The following STK32B variants were observed in gnomAD, a reference collection of about 807,000 sequenced individuals.
The protein encoded by STK32B is serine/threonine-protein kinase 32B.
In STK32B, 43 loss-of-function variants were observed where a neutral mutation model predicts 52.6. The observed-to-expected ratio is 0.82, with a 90% CI of 0.64 to 1.05. STK32B has a LOEUF of 1.05. STK32B is among the 50% of genes least tolerant of loss of function. STK32B has a pLI of 0.00. For missense variants in STK32B, 621 were observed against 534.6 expected (o/e 1.16, Z -1.59); for synonymous variants, 238 against 204.3 (o/e 1.17, Z -1.41).
intron 3 of STK32B, among the ~76,000 whole-genome samples, chr4:5,296,086 C>G (rs758719744): frequency 1.3e-5 from 2 of 152,160 alleles, no homozygotes; most frequent in Admixed American, 1.3e-4. Flanking sequence ...GAGTGAGTTT[C>G]TTAATCTGGA....
At chr4:5,251,134 G>A (rs182296269) in intron 3 of STK32B, among the ~76,000 whole-genome samples, 4 of 152,200 alleles carry the variant, frequency 2.6e-5, no homozygotes, top group Non-Finnish European at 5.9e-5. Flanking sequence ...CCTTTTCTAG[G>A]CCCAATGTCT....
At chr4:5,107,150 G>A (rs1489159001) in intron 1 of STK32B, among the ~76,000 whole-genome samples, 4 of 151,914 alleles carry the variant, frequency 2.6e-5, no homozygotes, top group Non-Finnish European at 2.9e-5. Context: ...TCATAGGAGC[G>A]CAAACCTATA....
At chr4:5,354,649 A>G (rs1299306227) in intron 4 of STK32B, among the ~76,000 whole-genome samples, 1 of 152,228 alleles carries the variant, frequency 6.6e-6, no homozygotes. Flanking sequence ...CAAAGTAGCT[A>G]GGAGCTTGAA....
At chr4:5,059,319 C>T (rs1742130020) in intron 1 of STK32B, among the ~76,000 whole-genome samples, 1 of 152,016 alleles carries the variant, frequency 6.6e-6, no homozygotes, top group Non-Finnish European at 1.5e-5. Context: ...CACTATTTTA[C>T]AATTAAGTAT....
chr4:5,310,719 G>T (rs1033144190), intron 3 of STK32B, among the ~76,000 whole-genome samples: 1 of 152,074 alleles, frequency 6.6e-6, no homozygotes, highest in Non-Finnish European at 1.5e-5. Context: ...AAATCAATAT[G>T]CAGAAGAAGT....
At chr4:5,172,242 TGTC>T in intron 3 of STK32B, among the ~76,000 whole-genome samples, 1 of 152,310 alleles carries the variant, frequency 6.6e-6, no homozygotes, top group South Asian at 2.1e-4. Context: ...TATACAATCA[TGTC>T]GTCTGCAAAC....
At chr4:5,290,213 A>C (rs1313927930) in intron 3 of STK32B, among the ~76,000 whole-genome samples, 6 of 152,270 alleles carry the variant, frequency 3.9e-5, no homozygotes, top group African/African-American at 1.2e-4. Flanking sequence ...TTATTTTAAA[A>C]TGTTTTACTT....
upstream of STK32B, among the ~76,000 whole-genome samples, chr4:5,049,388 A>T (rs1334475524): frequency 1.3e-5 from 2 of 152,154 alleles, no homozygotes; most frequent in Non-Finnish European, 2.9e-5. Context: ...ACCACCAAAC[A>T]GGCTTTGTGT....
At chr4:5,020,249 C>T in the STK32B span, among the ~76,000 whole-genome samples, 4 of 152,198 alleles carry the variant, frequency 2.6e-5, no homozygotes, top group East Asian at 3.9e-4. Context: ...TCCACTTAGA[C>T]GCCGTGGGTG....
At chr4:5,116,407 C>T (rs1351242933) in intron 1 of STK32B, among the ~76,000 whole-genome samples, 1 of 152,168 alleles carries the variant, frequency 6.6e-6, no homozygotes, top group Non-Finnish European at 1.5e-5. Context: ...TATTTACAGT[C>T]TATGGCTTGA....
At chr4:5,285,082 CTT>C (rs1403460344) in intron 3 of STK32B, among the ~76,000 whole-genome samples, 2 of 152,126 alleles carry the variant, frequency 1.3e-5, no homozygotes, top group Admixed American at 6.5e-5. Flanking sequence ...TATATTTTCT[CTT>C]AAGATTGTCA....
intron 6 of STK32B, among the ~76,000 whole-genome samples, chr4:5,442,505 C>T (rs879321206): frequency 3.2e-4 from 48 of 150,330 alleles, no homozygotes; most frequent in Admixed American, 1.1e-3. Context: ...TGTCTCTGCA[C>T]GTGAGATGGA....
chr4:5,035,807 G>T, the STK32B span, among the ~76,000 whole-genome samples: 29 of 146,664 alleles, frequency 2.0e-4, no homozygotes, highest in African/African-American at 7.1e-4. Flanking sequence ...TTTGAGGGAC[G>T]AAGTCTCGCT....
At chr4:5,473,709 C>T (rs1363984636) in intron 11 of STK32B, among the ~76,000 whole-genome samples, 3 of 152,184 alleles carry the variant, frequency 2.0e-5, no homozygotes, top group Non-Finnish European at 2.9e-5. Flanking sequence ...ATTAACATGA[C>T]CACAATGCAT....
At chr4:5,314,230 G>A (rs1730507961) in intron 3 of STK32B, among the ~76,000 whole-genome samples, 1 of 152,140 alleles carries the variant, frequency 6.6e-6, no homozygotes, top group Non-Finnish European at 1.5e-5. Flanking sequence ...TAGATCAATG[G>A]AACAGAATTT....
intron 3 of STK32B, among the ~76,000 whole-genome samples, chr4:5,247,967 A>G (rs544055635): frequency 6.6e-6 from 1 of 152,148 alleles, no homozygotes; most frequent in Non-Finnish European, 1.5e-5. Context: ...TTTTACTCAT[A>G]TCAGCAAGTC....
At chr4:5,408,412 C>G (rs1032381121) in intron 5 of STK32B, among the ~76,000 whole-genome samples, 1 of 152,126 alleles carries the variant, frequency 6.6e-6, no homozygotes, top group East Asian at 1.9e-4. Context: ...TGTCTGCCTC[C>G]CCTTCGCCTT....
intron 3 of STK32B, among the ~76,000 whole-genome samples, chr4:5,302,544 A>T (rs929029985): frequency 3.9e-5 from 6 of 152,134 alleles, no homozygotes; most frequent in African/African-American, 1.4e-4. Context: ...AAACCCAATT[A>T]ATACAGAACC....
chr4:5,344,690 G>GT (rs1247809795), intron 4 of STK32B, among the ~76,000 whole-genome samples: 4 of 138,522 alleles, frequency 2.9e-5, no homozygotes, highest in Admixed American at 1.4e-4. Flanking sequence ...AACTTTGTCA[G>GT]AATTTTTTTT....
Sources: allele counts gnomAD v4.1 joint callset (sites outside exome capture counted in the v4.1 genomes callset), GRCh38; gene constraint gnomAD v4.1.1; transcripts MANE v1.5; gene names NCBI Gene and HGNC (gene_info 2026-07-23, HGNC 2026-07-21).